PLD5: variants seen among roughly 807,000 people sequenced by gnomAD.
PLD5 encodes the protein phospholipase D family member 5, also known as inactive phospholipase D5.
PLD5 carries 36 observed loss-of-function variants against 61.1 expected under a neutral mutation model. The ratio of observed to expected loss-of-function variants is 0.59; its 90% confidence interval spans 0.45 to 0.78. The LOEUF (loss-of-function observed/expected upper bound fraction) is 0.78, where lower values mean the gene tolerates loss of function less well. Among genes scored for constraint, PLD5 ranks in the 30% least tolerant of loss-of-function variants. The pLI is 0.00. For missense variants in PLD5, 515 were observed against 644.4 expected (o/e 0.80, Z 2.17); for synonymous variants, 243 against 242.8 (o/e 1.00, Z -0.01).
chr1:242,216,412 C>T (rs1670199318), intron 5 of PLD5, among the ~76,000 whole-genome samples: 1 of 152,148 alleles, frequency 6.6e-6, no homozygotes, highest in African/African-American at 2.4e-5. Context: ...CAGCCTAATC[C>T]TTAACTTGAG....
intron 5 of PLD5, among the ~76,000 whole-genome samples, chr1:242,173,925 G>A (rs1666938921): frequency 6.6e-6 from 1 of 152,158 alleles, no homozygotes; most frequent in Non-Finnish European, 1.5e-5. Flanking sequence ...TTAAATGTTA[G>A]ATCTAAAACC....
At chr1:242,214,440 C>T (rs546378718) in intron 5 of PLD5, among the ~76,000 whole-genome samples, 112 of 152,320 alleles carry the variant, frequency 7.4e-4, no homozygotes, top group African/African-American at 2.6e-3. Flanking sequence ...TCAACTTCAG[C>T]AATTGCTAGA....
Position 242,085,867 on chromosome 1 carries a change from T to C in PLD5, c.*3987A>G, listed in dbSNP as rs149355104. The C allele has an allele frequency of 1.1e-3, 152 of 134,636 alleles. No homozygotes were observed. The highest frequency in any genetic ancestry group is 4.2e-3 in the African/African-American group (148 of 34,884). The allele number at this position is 134,636 out of a possible 1,614,324, so 8.3% of individuals were successfully genotyped here. A position where few individuals can be genotyped will look rare whatever the true frequency, so the allele number is the denominator to read the frequency against. On this transcript the variant is annotated 3_prime_UTR_variant, in exon 10 of 10. Transcript: ENST00000536534. ...ACACAGAAACACACACCAGTGGTCA[T>C]ACGTGTGGAAAAAAAAAAAAGTTAA... is the stretch of plus-strand genomic sequence containing the variant.
In PLD5 at chr1:242,274,998, T is replaced by A. The variant is rs148799976; in HGVS notation, c.496-9550A>T. ...CCTAGAAATCTATCCCAGAGAAACA[T>A]AAGCGCCCAATTGCAGAAGAGTTTA... On this transcript the variant is annotated intron_variant, in intron 3 of 9. Transcript: ENST00000536534. Among the ~76,000 whole-genome samples the A allele has an allele frequency of 6.0e-3, 908 of 152,262 alleles. 10 individuals carry two copies. The highest frequency in any genetic ancestry group is 0.021 in the African/African-American group (859 of 41,560).
At chr1:242,288,207 C>T (rs187610381) in intron 3 of PLD5, among the ~76,000 whole-genome samples, 155 bp downstream of exon 3, 19 of 152,272 alleles carry the variant, frequency 1.2e-4, no homozygotes, top group South Asian at 4.1e-4. Flanking sequence ...TGATTAACAA[C>T]GACACATCTA....
chr1:242,438,827 C>T (rs918355322), intron 1 of PLD5, among the ~76,000 whole-genome samples: 2 of 152,134 alleles, frequency 1.3e-5, no homozygotes, highest in African/African-American at 4.8e-5. Flanking sequence ...CCTGTATCCT[C>T]CTTTAATTGA....
chr1:242,232,295 A>G (rs912383168), intron 4 of PLD5, among the ~76,000 whole-genome samples: 1 of 152,220 alleles, frequency 6.6e-6, no homozygotes, highest in African/African-American at 2.4e-5. Flanking sequence ...TAATAGTAAC[A>G]GAAAACTGGA....
intron 4 of PLD5, among the ~76,000 whole-genome samples, chr1:242,245,864 GGCA>G: frequency 6.6e-6 from 1 of 152,096 alleles, no homozygotes; most frequent in Non-Finnish European, 1.5e-5. Context: ...TGCATCTTAA[GGCA>G]GCACTTACAA....
chr1:242,350,994 C>G (rs190226306), intron 1 of PLD5, among the ~76,000 whole-genome samples: 290 of 152,060 alleles, frequency 1.9e-3, no homozygotes, highest in East Asian at 8.7e-3. Flanking sequence ...CTCTACCTCC[C>G]AGGCTCAAGC....
intron 1 of PLD5, among the ~76,000 whole-genome samples, chr1:242,403,632 T>G (rs1405110402): frequency 7.9e-6 from 1 of 127,050 alleles, no homozygotes; most frequent in Non-Finnish European, 1.8e-5. Flanking sequence ...GCCTGGGTAA[T>G]TTTTTGTATT....
At position 242,083,742 on chromosome 1, in the gene PLD5, G is replaced by C. The variant is rs1051546254; in HGVS notation, c.*6112C>G. Reference sequence around the variant, plus strand: ...GAAATTGTAGATTACGCTCTGATTTGAATGTTATTGGATCATATTTTCTGA... The same window carrying C: ...GAAATTGTAGATTACGCTCTGATTTCAATGTTATTGGATCATATTTTCTGA... On this transcript the variant is annotated 3_prime_UTR_variant, in exon 10 of 10. Coordinates refer to ENST00000536534, the MANE Select transcript of PLD5 (RefSeq NM_001372062.1). 1 of 152,112 alleles carries C rather than the reference G, an allele frequency of 6.6e-6. No homozygotes were observed. The allele number at this position is 152,112 out of a possible 1,614,324, so 9.4% of individuals were successfully genotyped here.
chr1:242,164,422 A>G (rs1666148867), intron 5 of PLD5, among the ~76,000 whole-genome samples: 1 of 151,750 alleles, frequency 6.6e-6, no homozygotes. Flanking sequence ...AAAAATCTCC[A>G]GTATTGTTCT....
chr1:242,460,271 A>C (rs1226806753), intron 1 of PLD5, among the ~76,000 whole-genome samples: 5 of 152,130 alleles, frequency 3.3e-5, no homozygotes, highest in Non-Finnish European at 7.4e-5. Context: ...ACTTAATCAT[A>C]GATGCTGGTA....
intron 1 of PLD5, among the ~76,000 whole-genome samples, chr1:242,394,092 G>GTATATATGTGTATATATATGAGTATA (rs1663174886): frequency 2.5e-5 from 2 of 80,276 alleles, no homozygotes; most frequent in East Asian, 4.5e-4. Context: ...GTATATATAT[G>GTATATATGTGTATATATATGAGTATA]TATATATGTG....
chr1:242,263,918 G>C (rs1673510545), intron 4 of PLD5, among the ~76,000 whole-genome samples: 1 of 152,204 alleles, frequency 6.6e-6, no homozygotes, highest in Admixed American at 6.5e-5. Flanking sequence ...ACTTTTGGTT[G>C]AGTTTACAAG....
At chr1:242,382,946 C>T (rs1662385159) in intron 1 of PLD5, among the ~76,000 whole-genome samples, 1 of 151,536 alleles carries the variant, frequency 6.6e-6, no homozygotes, top group African/African-American at 2.4e-5. Context: ...GTGTAAAAAT[C>T]ATTTCTCTTA....
intron 9 of PLD5, among the ~76,000 whole-genome samples, chr1:242,099,748 A>AT (rs1660546694): frequency 6.6e-6 from 1 of 152,126 alleles, no homozygotes; most frequent in Non-Finnish European, 1.5e-5. Context: ...AAAAGGGTAC[A>AT]TTTTTTACTC....
chr1:242,204,433 C>T (rs933420689), intron 5 of PLD5, among the ~76,000 whole-genome samples: 1 of 152,150 alleles, frequency 6.6e-6, no homozygotes, highest in Non-Finnish European at 1.5e-5. Context: ...TTGACCGGGA[C>T]AGTAACCAAG....
intron 3 of PLD5, among the ~76,000 whole-genome samples, chr1:242,265,924 GAAGTT>G (rs1344479630): frequency 2.6e-5 from 4 of 152,334 alleles, no homozygotes; most frequent in Admixed American, 6.5e-5. Context: ...TGAGATTAAA[GAAGTT>G]AATAGTAAGC....
Sources: allele counts gnomAD v4.1 joint callset (sites outside exome capture counted in the v4.1 genomes callset), GRCh38; gene constraint gnomAD v4.1.1; transcripts MANE v1.5; gene names NCBI Gene and HGNC (gene_info 2026-07-23, HGNC 2026-07-21).